LPAR6: variants seen among roughly 807,000 people sequenced by gnomAD.
LPAR6 encodes G-protein coupled purinergic receptor P2Y5.
In LPAR6, 17 loss-of-function variants were observed where a neutral mutation model predicts 22.0. The ratio of observed to expected loss-of-function variants is 0.77; its 90% CI spans 0.53 to 1.16. The LOEUF (loss-of-function observed/expected upper bound fraction) is 1.16. Among genes scored for constraint, LPAR6 ranks in the 50% most tolerant of loss-of-function variants. The pLI is 0.00. For synonymous variants in LPAR6, 136 were observed against 139.8 expected, an observed-to-expected ratio of 0.97 and a Z score of 0.19; for missense variants, 384 against 406.9, an observed-to-expected ratio of 0.94 and a Z score of 0.48.
intron 1 of LPAR6, among the ~76,000 whole-genome samples, chr13:48,436,418 G>A (rs138289685): frequency 8.3e-4 from 127 of 152,198 alleles, no homozygotes; most frequent in African/African-American, 2.6e-3. Flanking sequence ...CAAGGCAGGC[G>A]GATCACCTGC....
chr13:48,398,028 A>C (rs1490867904), intron 1 of LPAR6, among the ~76,000 whole-genome samples: 1 of 152,214 alleles, frequency 6.6e-6, no homozygotes, highest in Non-Finnish European at 1.5e-5. Context: ...TTGTAAGATA[A>C]CGATTAAGCC....
chr13:48,439,801 G>C (rs377541609), intron 1 of LPAR6: 1 of 152,078 alleles, frequency 6.6e-6, no homozygotes, highest in Non-Finnish European at 1.5e-5. Flanking sequence ...TTGAAAGAAG[G>C]CCTTTTTGAA....
intron 1 of LPAR6, among the ~76,000 whole-genome samples, chr13:48,403,532 T>TG (rs1306742766): frequency 6.6e-6 from 1 of 152,082 alleles, no homozygotes; most frequent in Non-Finnish European, 1.5e-5. Flanking sequence ...CTGGTGGAAG[T>TG]GGGAGTCTTA....
intron 1 of LPAR6, among the ~76,000 whole-genome samples, chr13:48,434,546 G>A (rs1356425274): frequency 6.6e-6 from 1 of 152,060 alleles, no homozygotes. Context: ...AAAACACCCT[G>A]GCCCAGGAAG....
At chr13:48,393,777 A>G (rs1364252383) in intron 1 of LPAR6, among the ~76,000 whole-genome samples, 1 of 151,878 alleles carries the variant, frequency 6.6e-6, no homozygotes, top group East Asian at 1.9e-4. Context: ...TTTTTGTATT[A>G]AATTTTGGTA....
chr13:48,418,998 G>A (rs996072699), intron 2 of LPAR6, among the ~76,000 whole-genome samples: 6 of 152,066 alleles, frequency 3.9e-5, no homozygotes, highest in African/African-American at 1.4e-4. Flanking sequence ...AAATTAACAA[G>A]GATATTCAGG....
intron 1 of LPAR6, among the ~76,000 whole-genome samples, chr13:48,405,226 A>G (rs943434767): frequency 1.3e-5 from 2 of 152,242 alleles, no homozygotes; most frequent in Non-Finnish European, 2.9e-5. Flanking sequence ...AATGCCTTCA[A>G]CAACAAAATG....
Position 48,395,287 on chromosome 13 carries a change from A to G in LPAR6, n.115-5475T>C, listed in dbSNP as rs190220628. 1.4e-3 allele frequency among the ~76,000 whole-genome samples: 215 copies of G among 152,308 alleles called. 3 individuals carry two copies. Among genetic ancestry groups the G allele is most frequent in the Non-Finnish European group, 1.4e-3 (94 of 68,028 alleles). On this transcript the variant is annotated intron_variant and non_coding_transcript_variant, in intron 1 of 1. Transcript: ENST00000462781. The stretch of plus-strand genomic sequence containing the variant: ...AAAGGTAGATAAATCCATGAAGATG[A>G]GGAAAAACCAGCACAAAAAGGCTGA...
intron 1 of LPAR6, among the ~76,000 whole-genome samples, chr13:48,442,535 G>A (rs138271173): frequency 1.1e-3 from 163 of 152,200 alleles, no homozygotes; most frequent in Middle Eastern, 3.4e-3. Flanking sequence ...ACTGTACTTA[G>A]GATAAATTCC....
chr13:48,426,591 C>T (rs1177680787), intron 1 of LPAR6: 1 of 152,270 alleles, frequency 6.6e-6, no homozygotes, highest in Non-Finnish European at 1.5e-5. Context: ...CCTGTTACAA[C>T]TAGCCATTCA....
intron 1 of LPAR6, among the ~76,000 whole-genome samples, chr13:48,438,566 T>C (rs750191645): frequency 6.6e-6 from 1 of 152,096 alleles, no homozygotes; most frequent in Non-Finnish European, 1.5e-5. Context: ...GTTTTTTTTT[T>C]CATTAGACTG....
At chr13:48,392,252 A>AG (rs932276616) in intron 1 of LPAR6, among the ~76,000 whole-genome samples, 3 of 152,058 alleles carry the variant, frequency 2.0e-5, no homozygotes, top group African/African-American at 7.2e-5. Flanking sequence ...CTGGGACTAA[A>AG]GGCACATGCC....
At chr13:48,393,397 T>C (rs1369575526) in intron 1 of LPAR6, among the ~76,000 whole-genome samples, 3 of 152,240 alleles carry the variant, frequency 2.0e-5, no homozygotes, top group African/African-American at 7.2e-5. Flanking sequence ...GACCATAAAC[T>C]GTCCCCAGGC....
intron 1 of LPAR6, among the ~76,000 whole-genome samples, chr13:48,424,358 T>C (rs561942467): frequency 6.6e-6 from 1 of 152,324 alleles, no homozygotes; most frequent in South Asian, 2.1e-4. Context: ...ATGTGAGTCA[T>C]CTACCCAAGT....
At chr13:48,402,277 C>T (rs1416373467) in intron 1 of LPAR6, among the ~76,000 whole-genome samples, 5 of 151,436 alleles carry the variant, frequency 3.3e-5, no homozygotes, top group Admixed American at 6.6e-5. Flanking sequence ...CATATTTTAA[C>T]GGGGTCTTCT....
upstream of LPAR6, among the ~76,000 whole-genome samples, chr13:48,428,656 A>G (rs1440978633): frequency 6.6e-6 from 1 of 152,230 alleles, no homozygotes; most frequent in Non-Finnish European, 1.5e-5. Context: ...AGATTAAGAG[A>G]TTTTAGACAT....
Position 48,403,522 on chromosome 13 carries a change from C to G in LPAR6, n.114+12178G>C, listed in dbSNP as rs150667698. Among the ~76,000 whole-genome samples the G allele has an allele frequency of 3.7e-3, 570 of 152,130 alleles. 1 individual carries two copies. The highest frequency in any genetic ancestry group is 0.013 in the African/African-American group (531 of 41,496). On this transcript the variant is annotated intron_variant and non_coding_transcript_variant, in intron 1 of 1. Coordinates refer to the LPAR6 transcript ENST00000462781. ...CACACAACACCCCCAGGAAAGGGGACTGGTGGAAGTGGGAGTCTTAGAGAG... is the reference window on the plus strand; with the variant it reads ...CACACAACACCCCCAGGAAAGGGGAGTGGTGGAAGTGGGAGTCTTAGAGAG...
In LPAR6 at chr13:48,435,387, A is replaced by G. The variant is rs114302341; in HGVS notation, c.-1474+9166T>C. On this transcript the variant is annotated intron_variant, in intron 1 of 6. Coordinates refer to the LPAR6 transcript ENST00000378434. ...TTCCTCTCTGGTGAAATTTCTCTTC[A>G]TGTCTTTGCTCATTTTCTGATTGGA... Among the ~76,000 whole-genome samples the G allele has an allele frequency of 5.5e-3, 839 of 152,036 alleles. 14 individuals are homozygous for G. Among genetic ancestry groups the G allele is most frequent in the African/African-American group, 0.019 (798 of 41,464 alleles).
At chr13:48,396,088 T>G (rs990769469) in intron 1 of LPAR6, among the ~76,000 whole-genome samples, 6 of 152,182 alleles carry the variant, frequency 3.9e-5, no homozygotes, top group African/African-American at 1.4e-4. Context: ...AATTTATAGA[T>G]TCAATGCTAT....
Sources: allele counts gnomAD v4.1 joint callset (sites outside exome capture counted in the v4.1 genomes callset), GRCh38; gene constraint gnomAD v4.1.1; transcripts MANE v1.5; gene names NCBI Gene and HGNC (gene_info 2026-07-23, HGNC 2026-07-21).